The following NEGR1 variants were observed in gnomAD, a reference collection of about 807,000 sequenced individuals.
NEGR1 encodes neuronal growth regulator 1, also known as IgLON family member 4.
Under a neutral mutation model 40.9 loss-of-function variants are expected in NEGR1, and 10 were observed. That is an observed-to-expected ratio of 0.24 (90% CI 0.15 to 0.42). The LOEUF is 0.42. NEGR1 is among the 10% of genes least tolerant of loss of function. The pLI is 1.00. For synonymous variants in NEGR1, 185 were observed against 166.8 expected (o/e 1.11, Z -0.84); for missense variants, 352 against 438.9 (o/e 0.80, Z 1.77).
intron 1 of NEGR1, among the ~76,000 whole-genome samples, chr1:72,270,575 A>T (rs1405520396): frequency 6.6e-6 from 1 of 151,876 alleles, no homozygotes; most frequent in Non-Finnish European, 1.5e-5. Context: ...CTATTCCAAT[A>T]TTATCACCAG....
At chr1:71,473,269 A>G (rs978730792) in intron 6 of NEGR1, among the ~76,000 whole-genome samples, 37 of 152,176 alleles carry the variant, frequency 2.4e-4, no homozygotes, top group African/African-American at 8.0e-4. Context: ...GCAAAGAAGT[A>G]TAAGAAGAAG....
At chr1:72,259,827 C>T (rs942548080) in intron 1 of NEGR1, among the ~76,000 whole-genome samples, 11 of 152,154 alleles carry the variant, frequency 7.2e-5, no homozygotes, top group African/African-American at 9.6e-5. Flanking sequence ...ATGGTTCTAT[C>T]GCAGGCAAAA....
At chr1:71,504,367 A>T (rs1647018744) in intron 6 of NEGR1, among the ~76,000 whole-genome samples, 1 of 152,082 alleles carries the variant, frequency 6.6e-6, no homozygotes, top group South Asian at 2.1e-4. Context: ...AGGTAGTCCA[A>T]AAAAAGACTA....
intron 1 of NEGR1, among the ~76,000 whole-genome samples, chr1:72,050,464 C>A (rs2100474441): frequency 6.6e-6 from 1 of 151,582 alleles, no homozygotes; most frequent in Admixed American, 6.6e-5. Flanking sequence ...GGCCTATTAG[C>A]CGACTTATTA....
chr1:71,680,546 C>T (rs1652804839), intron 4 of NEGR1, among the ~76,000 whole-genome samples: 1 of 152,066 alleles, frequency 6.6e-6, no homozygotes. Flanking sequence ...TCTCATTTTT[C>T]TATTTTTAAT....
intron 6 of NEGR1, among the ~76,000 whole-genome samples, chr1:71,458,864 A>G (rs1646694447): frequency 6.6e-6 from 1 of 152,014 alleles, no homozygotes; most frequent in African/African-American, 2.4e-5. Context: ...ATCAGCTTTC[A>G]TGCCTCAGTA....
At chr1:71,509,476 T>G (rs1647058685) in intron 6 of NEGR1, among the ~76,000 whole-genome samples, 1 of 152,162 alleles carries the variant, frequency 6.6e-6, no homozygotes, top group South Asian at 2.1e-4. Context: ...GTTACTCAGC[T>G]CTCCATATAC....
At chr1:71,705,245 TCA>T (rs1653849298) in intron 3 of NEGR1, among the ~76,000 whole-genome samples, 1 of 152,098 alleles carries the variant, frequency 6.6e-6, no homozygotes, top group Non-Finnish European at 1.5e-5. Context: ...ATAAATTAAC[TCA>T]ATATGCATCA....
chr1:72,139,738 G>A (rs76564849), intron 1 of NEGR1, among the ~76,000 whole-genome samples: 2,552 of 152,008 alleles, frequency 0.017, 70 homozygotes, highest in African/African-American at 0.059. Context: ...AGGGATGAAA[G>A]AGTGAAATTA....
chr1:71,799,718 CTT>C (rs201329752), intron 2 of NEGR1, among the ~76,000 whole-genome samples: 1 of 146,662 alleles, frequency 6.8e-6, no homozygotes, highest in African/African-American at 2.5e-5. Flanking sequence ...TGTCTCCTGA[CTT>C]TTTTTTTTTT....
rs78993686 is a variant in NEGR1 at position 72,169,509 on chromosome 1, A to G, written c.176+112810T>C. 8.6e-3 allele frequency among the ~76,000 whole-genome samples: 1,310 copies of G among 152,240 alleles called. 19 individuals are homozygous for G. The highest frequency in any genetic ancestry group is 0.03 in the African/African-American group (1,247 of 41,550). On this transcript the variant is annotated intron_variant, in intron 1 of 6. Coordinates refer to ENST00000357731, the MANE Select transcript of NEGR1 (RefSeq NM_173808.3). ...GGCTGAACTTAGTGTATAATCTTAT[A>G]ATTTAGGAATTAAGTATATTGTCTC...
At chr1:71,426,515 C>T (rs544178253) in intron 6 of NEGR1, among the ~76,000 whole-genome samples, 3 of 151,290 alleles carry the variant, frequency 2.0e-5, no homozygotes, top group Admixed American at 6.6e-5. Flanking sequence ...CAAGATCAAG[C>T]GTACTGTAGG....
chr1:71,826,944 G>A (rs755833709), intron 2 of NEGR1, among the ~76,000 whole-genome samples: 1 of 151,806 alleles, frequency 6.6e-6, no homozygotes, highest in African/African-American at 2.4e-5. Context: ...TATTAATGAT[G>A]AGCGTCAACA....
intron 2 of NEGR1, among the ~76,000 whole-genome samples, chr1:71,825,494 CA>C (rs1658586557): frequency 6.6e-6 from 1 of 151,880 alleles, no homozygotes; most frequent in African/African-American, 2.4e-5. Flanking sequence ...AGGTATCTGA[CA>C]GGTTTTCAAT....
At chr1:71,631,530 T>C (rs1650968718) in intron 4 of NEGR1, among the ~76,000 whole-genome samples, 1 of 151,874 alleles carries the variant, frequency 6.6e-6, no homozygotes, top group African/African-American at 2.4e-5. Flanking sequence ...TGGCAAGTTG[T>C]TTATATTAAA....
At chr1:71,431,566 CCATT>C (rs66558619) in intron 6 of NEGR1, among the ~76,000 whole-genome samples, 1 of 119,076 alleles carries the variant, frequency 8.4e-6, no homozygotes, top group Non-Finnish European at 2.0e-5. Context: ...ATCTGTTTAT[CCATT>C]CATTCATTCA....
chr1:71,926,326 C>G (rs953417478), intron 2 of NEGR1, among the ~76,000 whole-genome samples: 1 of 149,700 alleles, frequency 6.7e-6, no homozygotes, highest in Non-Finnish European at 1.5e-5. Flanking sequence ...ACTTGCCACT[C>G]TAATTCAAGC....
At chr1:71,646,387 A>G (rs1486248108) in intron 4 of NEGR1, among the ~76,000 whole-genome samples, 1 of 151,836 alleles carries the variant, frequency 6.6e-6, no homozygotes, top group East Asian at 1.9e-4. Flanking sequence ...CTAGAAATTT[A>G]TAAATGGCTC....
intron 5 of NEGR1, among the ~76,000 whole-genome samples, chr1:71,605,787 T>C (rs2101536704): frequency 6.6e-6 from 1 of 152,340 alleles, no homozygotes; most frequent in East Asian, 1.9e-4. Context: ...CCATTGATAC[T>C]CTTCATTCCA....
Sources: gnomAD v4.1 joint callset for allele counts (sites outside exome capture counted in the v4.1 genomes callset) on GRCh38, gnomAD v4.1.1 for gene constraint, MANE v1.5 for transcripts, NCBI Gene and HGNC (gene_info 2026-07-23, HGNC 2026-07-21) for gene names.